The following NKAIN3 variants were observed in gnomAD, a reference collection of about 807,000 sequenced individuals.
The protein encoded by NKAIN3 is sodium/potassium transporting ATPase interacting 3.
In NKAIN3, 25 loss-of-function variants were observed where a neutral mutation model predicts 30.2. The ratio of observed to expected loss-of-function variants is 0.83; its 90% CI spans 0.60 to 1.16. The LOEUF (loss-of-function observed/expected upper bound fraction) is 1.16, where lower values mean the gene tolerates loss of function less well. NKAIN3 is among the 50% of genes most tolerant of loss of function. NKAIN3 has a pLI of 0.00. For synonymous variants in NKAIN3, 91 were observed against 89.6 expected, an observed-to-expected ratio of 1.02 and a Z score of -0.09; for missense variants, 225 against 254.1, an observed-to-expected ratio of 0.89 and a Z score of 0.78.
intron 1 of NKAIN3, among the ~76,000 whole-genome samples, chr8:62,343,155 C>T (rs1196630796): frequency 6.6e-6 from 1 of 152,030 alleles, no homozygotes; most frequent in Non-Finnish European, 1.5e-5. Context: ...CAGAGTCTGA[C>T]TGACCATGTT....
At chr8:62,454,101 C>T (rs1403966628) in intron 1 of NKAIN3, among the ~76,000 whole-genome samples, 1 of 151,756 alleles carries the variant, frequency 6.6e-6, no homozygotes, top group African/African-American at 2.4e-5. Flanking sequence ...TATGGCATGA[C>T]TTGCTCAGAG....
chr8:62,292,389 A>G (rs955861735), intron 1 of NKAIN3, among the ~76,000 whole-genome samples: 3 of 151,896 alleles, frequency 2.0e-5, no homozygotes, highest in Non-Finnish European at 4.4e-5. Context: ...GTTCCTTTCC[A>G]TGTTTATTGC....
chr8:62,259,694 G>C (rs1336256334), intron 1 of NKAIN3, among the ~76,000 whole-genome samples: 1 of 152,130 alleles, frequency 6.6e-6, no homozygotes, highest in East Asian at 1.9e-4. Context: ...TAGAGTATAG[G>C]AGAATAGATA....
intron 4 of NKAIN3, among the ~76,000 whole-genome samples, chr8:62,829,351 C>T (rs549600496): frequency 1.1e-4 from 16 of 152,234 alleles, no homozygotes; most frequent in Middle Eastern, 3.4e-3. Context: ...TAATGTTTGA[C>T]GCCCAGCATT....
intron 1 of NKAIN3, among the ~76,000 whole-genome samples, chr8:62,415,414 A>G (rs1585783464): frequency 6.7e-6 from 1 of 150,072 alleles, no homozygotes; most frequent in South Asian, 2.1e-4. Context: ...GTAATTCTTC[A>G]TTATTAGCAT....
rs1187004887 is a variant in NKAIN3 at position 62,970,690 on chromosome 8, A to G, written c.*5283A>G. On this transcript the variant is annotated 3_prime_UTR_variant, in exon 7 of 7. Coordinates refer to ENST00000623646, the MANE Select transcript of NKAIN3 (RefSeq NM_001304533.3). ...GAAAGGGAATGGACAAGGAGACAGG[A>G]AGGAAGAATCCAAAGTTGAAAGTCA... 3.9e-5 allele frequency among the ~76,000 whole-genome samples: 6 copies of G among 152,170 alleles called. No homozygotes were observed. In the South Asian group the frequency reaches 1.2e-3, roughly 32 times the overall value.
chr8:62,540,833 G>GA (rs34251734), intron 1 of NKAIN3, among the ~76,000 whole-genome samples: 61 of 150,646 alleles, frequency 4.0e-4, no homozygotes, highest in African/African-American at 1.1e-3. Flanking sequence ...CTTCAGTCTT[G>GA]AAAAAAAAGG....
chr8:62,383,419 G>T (rs62509214), intron 1 of NKAIN3: 60,115 of 434,538 alleles, frequency 0.14, 4,905 homozygotes, highest in East Asian at 0.39. Flanking sequence ...TTAGATCCTG[G>T]TGCTCACTGT....
intron 1 of NKAIN3, among the ~76,000 whole-genome samples, chr8:62,361,520 C>G (rs984685241): frequency 6.6e-6 from 1 of 152,128 alleles, no homozygotes; most frequent in South Asian, 2.1e-4. Context: ...CTTATAGTGA[C>G]CTGGTATCTT....
Position 62,627,851 on chromosome 8 carries a change from G to T in NKAIN3, c.273+38057G>T, listed in dbSNP as rs368155716. Among the ~76,000 whole-genome samples the T allele has an allele frequency of 2.2e-3, 332 of 152,098 alleles. 1 individual carries two copies. The highest frequency in any genetic ancestry group is 7.7e-3 in the African/African-American group (319 of 41,504). Reference sequence around the variant, plus strand: ...AGTAGACTGCTTCTACCCCTTACTGGCCATGTGCCCTTAAACAAGTTCCCG... The same window carrying T: ...AGTAGACTGCTTCTACCCCTTACTGTCCATGTGCCCTTAAACAAGTTCCCG... On this transcript the variant is annotated intron_variant, in intron 3 of 6. Coordinates refer to ENST00000623646, the MANE Select transcript of NKAIN3 (RefSeq NM_001304533.3).
Position 62,979,613 on chromosome 8 carries a change from T to C in NKAIN3, c.*14206T>C, listed in dbSNP as rs1824028370. The C allele has an allele frequency of 6.6e-6, 1 of 152,230 alleles. No individual in the cohort carries two copies. The highest frequency in any genetic ancestry group is 2.4e-5 in the African/African-American group (1 of 41,450). The allele number at this position is 152,230 out of a possible 1,614,324, so 9.4% of individuals were successfully genotyped here. A position where few individuals can be genotyped will look rare whatever the true frequency, so the allele number is the denominator to read the frequency against. On this transcript the variant is annotated 3_prime_UTR_variant, in exon 7 of 7. Coordinates refer to ENST00000623646, the MANE Select transcript of NKAIN3 (RefSeq NM_001304533.3). ...TTCTCTATACAGTACAGTTTTAGCATTGAAAAGGACCTCAGCAATTCCATT... is the reference window on the plus strand; with the variant it reads ...TTCTCTATACAGTACAGTTTTAGCACTGAAAAGGACCTCAGCAATTCCATT...
chr8:62,578,971 T>A (rs1457335717), intron 1 of NKAIN3, among the ~76,000 whole-genome samples: 5 of 151,996 alleles, frequency 3.3e-5, no homozygotes, highest in Non-Finnish European at 5.9e-5. Flanking sequence ...TAAGATCTGG[T>A]ATTTGATAGC....
intron 1 of NKAIN3, among the ~76,000 whole-genome samples, chr8:62,336,665 G>C (rs571940832): frequency 6.6e-6 from 1 of 151,916 alleles, no homozygotes; most frequent in African/African-American, 2.4e-5. Flanking sequence ...CTACTGTTGT[G>C]TAAAAATTGA....
At chr8:62,475,033 A>T (rs1270784449) in intron 1 of NKAIN3, among the ~76,000 whole-genome samples, 2 of 152,204 alleles carry the variant, frequency 1.3e-5, no homozygotes, top group African/African-American at 4.8e-5. Flanking sequence ...ATAGCTAAAA[A>T]GCCAGTAGAG....
At chr8:62,708,726 C>T (rs534339902) in intron 3 of NKAIN3, among the ~76,000 whole-genome samples, 1 of 152,266 alleles carries the variant, frequency 6.6e-6, no homozygotes, top group East Asian at 1.9e-4. Context: ...TTTCTCTTCT[C>T]TGATTGCTCT....
At chr8:62,562,463 TTTCA>T (rs2129983568) in intron 1 of NKAIN3, among the ~76,000 whole-genome samples, 1 of 152,298 alleles carries the variant, frequency 6.6e-6, no homozygotes, top group South Asian at 2.1e-4. Context: ...TTTCTAACGT[TTTCA>T]TTAGTTCTAC....
chr8:62,366,771 G>A lies in NKAIN3; in HGVS notation c.54+117644G>A, dbSNP rs536262771. Among the ~76,000 whole-genome samples the A allele has an allele frequency of 4.6e-4, 70 of 151,930 alleles. No individual in the cohort carries two copies. In the South Asian group the frequency reaches 0.014, roughly 31 times the overall value. On this transcript the variant is annotated intron_variant, in intron 1 of 6. Coordinates refer to ENST00000623646, the MANE Select transcript of NKAIN3 (RefSeq NM_001304533.3). ...GTTTGTTTTTTTTCTTGTTCCTTGA[G>A]GTATAACACTTGGTTGTTTATTTGA...
chr8:62,439,842 C>CTTG (rs1168723195), intron 1 of NKAIN3, among the ~76,000 whole-genome samples: 2 of 152,112 alleles, frequency 1.3e-5, no homozygotes, highest in African/African-American at 4.8e-5. Flanking sequence ...TGGGCATGTG[C>CTTG]TTGTATTGGG....
At chr8:62,580,942 C>CA (rs1563468449) in intron 2 of NKAIN3, among the ~76,000 whole-genome samples, 1 of 144,338 alleles carries the variant, frequency 6.9e-6, no homozygotes, top group Non-Finnish European at 1.5e-5. Context: ...CCAGTGTCTA[C>CA]AAAAAAATAC....
Sources: allele counts gnomAD v4.1 joint callset (sites outside exome capture counted in the v4.1 genomes callset), GRCh38; gene constraint gnomAD v4.1.1; transcripts MANE v1.5; gene names NCBI Gene and HGNC (gene_info 2026-07-23, HGNC 2026-07-21).